The following SLC71A2 variants were observed in gnomAD, a reference collection of about 807,000 sequenced individuals.
The protein encoded by SLC71A2 is hippocampus abundant transcript-like 1.
the SLC71A2 span, among the ~76,000 whole-genome samples, chr9:94,390,729 C>A: frequency 1.3e-5 from 2 of 152,180 alleles, no homozygotes; most frequent in Non-Finnish European, 2.9e-5. Flanking sequence ...AATTTCTTTT[C>A]TTTCCTTCTC....
At chr9:94,417,553 G>A in the SLC71A2 span, among the ~76,000 whole-genome samples, 3 of 152,082 alleles carry the variant, frequency 2.0e-5, no homozygotes, top group African/African-American at 7.2e-5. Context: ...CTTGAACCTG[G>A]GGGATGGAGG....
At chr9:94,385,804 A>G in the SLC71A2 span, among the ~76,000 whole-genome samples, 6 of 151,878 alleles carry the variant, frequency 4.0e-5, no homozygotes, top group African/African-American at 1.5e-4. Context: ...GTAATTTTTC[A>G]AGACTGTTTT....
At chr9:94,448,445 C>G in the SLC71A2 span, among the ~76,000 whole-genome samples, 3 of 152,138 alleles carry the variant, frequency 2.0e-5, no homozygotes. Flanking sequence ...ATCCTGTGGT[C>G]TTTTACTGAT....
At chr9:94,426,262 C>G in the SLC71A2 span, among the ~76,000 whole-genome samples, 4 of 152,132 alleles carry the variant, frequency 2.6e-5, no homozygotes, top group South Asian at 6.2e-4. Flanking sequence ...GAGAACTGTG[C>G]TTGTGATTGT....
At chr9:94,435,564 T>C in the SLC71A2 span, among the ~76,000 whole-genome samples, 1 of 152,054 alleles carries the variant, frequency 6.6e-6, no homozygotes, top group Non-Finnish European at 1.5e-5. Flanking sequence ...CCCATTTCTT[T>C]CTTTGCCATG....
the SLC71A2 span, chr9:94,415,245 A>G: frequency 7.1e-5 from 115 of 1,610,806 alleles, no homozygotes; most frequent in Middle Eastern, 3.3e-4. Context: ...GACAACTCCA[A>G]TGTTGACTGT....
chr9:94,459,205 A>G, the SLC71A2 span: 1 of 1,614,146 alleles, frequency 6.2e-7, no homozygotes, highest in South Asian at 1.1e-5. Context: ...GGGCATGTAT[A>G]GTCCTTATGT....
At chr9:94,399,513 T>C in the SLC71A2 span, among the ~76,000 whole-genome samples, 10 of 151,642 alleles carry the variant, frequency 6.6e-5, no homozygotes, top group African/African-American at 2.2e-4. Context: ...AATGATGTGC[T>C]CAACTCTAAT....
At chr9:94,386,279 G>A in the SLC71A2 span, among the ~76,000 whole-genome samples, 5 of 142,016 alleles carry the variant, frequency 3.5e-5, no homozygotes, top group Non-Finnish European at 6.2e-5. Context: ...TGTTTGTATC[G>A]TTTTTCTGCA....
the SLC71A2 span, among the ~76,000 whole-genome samples, chr9:94,387,380 C>T: frequency 6.6e-6 from 1 of 151,962 alleles, no homozygotes; most frequent in Non-Finnish European, 1.5e-5. Flanking sequence ...GTTTTCCCGC[C>T]TTTTAAATTT....
chr9:94,433,068 ACT>A, the SLC71A2 span: 2 of 374,794 alleles, frequency 5.3e-6, no homozygotes, highest in East Asian at 6.8e-5. Flanking sequence ...CTGGGGTGCT[ACT>A]CTCATACAGC....
the SLC71A2 span, among the ~76,000 whole-genome samples, chr9:94,445,522 AC>A: frequency 6.6e-6 from 1 of 152,210 alleles, no homozygotes; most frequent in African/African-American, 2.4e-5. Context: ...ACTCATTTTA[AC>A]TCAAAAAGGA....
At chr9:94,447,830 A>C in the SLC71A2 span, among the ~76,000 whole-genome samples, 17 of 152,268 alleles carry the variant, frequency 1.1e-4, no homozygotes, top group South Asian at 2.5e-3. Flanking sequence ...ATGCCTGTTT[A>C]TCTCTCCCTC....
the SLC71A2 span, among the ~76,000 whole-genome samples, chr9:94,450,493 C>CTTTTTTTTTTTTTTTTTTTTTTT: frequency 5.5e-4 from 56 of 102,016 alleles, 11 homozygotes; most frequent in Admixed American, 9.9e-4. Flanking sequence ...AATAATGTAA[C>CTTTTTTTTTTTTTTTTTTTTTTT]TTTTTTTTTT....
At chr9:94,409,584 A>T in the SLC71A2 span, among the ~76,000 whole-genome samples, 1 of 152,048 alleles carries the variant, frequency 6.6e-6, no homozygotes, top group African/African-American at 2.4e-5. Context: ...TTGATTTGAG[A>T]TCTTTTATAA....
chr9:94,430,192 C>T, the SLC71A2 span, among the ~76,000 whole-genome samples: 5 of 147,150 alleles, frequency 3.4e-5, no homozygotes, highest in South Asian at 2.2e-4. Flanking sequence ...CGTGAACCAC[C>T]GCGCCTGACT....
At chr9:94,458,542 G>C in the SLC71A2 span, 2 of 1,373,640 alleles carry the variant, frequency 1.5e-6, no homozygotes, top group Admixed American at 1.9e-5. Flanking sequence ...TAAATTTGGA[G>C]AGCATTCTTT....
At chr9:94,382,220 T>C in the SLC71A2 span, among the ~76,000 whole-genome samples, 1 of 151,896 alleles carries the variant, frequency 6.6e-6, no homozygotes, top group African/African-American at 2.4e-5. Context: ...AGAGATGGGG[T>C]CTTACTATGT....
At chr9:94,449,777 G>T in the SLC71A2 span, among the ~76,000 whole-genome samples, 1 of 152,196 alleles carries the variant, frequency 6.6e-6, no homozygotes, top group African/African-American at 2.4e-5. Flanking sequence ...CTTGTACACA[G>T]ATTATCATTC....
Sources: allele counts gnomAD v4.1 joint callset (sites outside exome capture counted in the v4.1 genomes callset), GRCh38; gene constraint gnomAD v4.1.1; transcripts MANE v1.5; gene names NCBI Gene and HGNC (gene_info 2026-07-23, HGNC 2026-07-21).